STK3: variants seen among roughly 807,000 people sequenced by gnomAD.
The protein encoded by STK3 is serine/threonine kinase 3, also known as serine/threonine-protein kinase 3.
STK3 carries 41 observed loss-of-function variants against 58.0 expected under a neutral mutation model. The observed-to-expected ratio is 0.71, with a 90% CI of 0.55 to 0.92. STK3 has a LOEUF of 0.92. Ranked by LOEUF, STK3 falls within the 40% of genes least tolerant of loss-of-function variation. The probability of loss-of-function intolerance (pLI) is 0.00; values close to 1 mark genes in which losing one functional copy is unlikely to be tolerated. For missense variants in STK3, 479 were observed against 602.7 expected, an observed-to-expected ratio of 0.79 and a Z score of 2.15; for synonymous variants, 170 against 191.0, an observed-to-expected ratio of 0.89 and a Z score of 0.91.
intron 8 of STK3, among the ~76,000 whole-genome samples, chr8:98,578,613 A>G (rs893509794): frequency 6.6e-6 from 1 of 152,240 alleles, no homozygotes; most frequent in Admixed American, 6.5e-5. Context: ...TTAAAACTGA[A>G]TTTAATTTAG....
rs781775868 is a variant in STK3 at position 98,428,055 on chromosome 8, T to C, written n.483+6072A>G. The C allele has an allele frequency of 1.2e-6, 2 of 1,612,686 alleles. No individual in the cohort carries two copies. Among genetic ancestry groups the C allele is most frequent in the South Asian group, 1.1e-5 (1 of 90,972 alleles). On this transcript the variant is annotated intron_variant and non_coding_transcript_variant, in intron 3 of 3. Transcript: ENST00000517832. This position sits in a 1 kb window ranked among gnomAD's most constrained non-coding sequence, Gnocchi z 6.7. The stretch of plus-strand genomic sequence containing the variant: ...GGAGATCCGCATCAATGTGGGCGGC[T>C]TCAAGAGGAGGCTGCGCTCGCACAC...
intron 10 of STK3, among the ~76,000 whole-genome samples, chr8:98,486,214 G>GA (rs936289960): frequency 1.3e-5 from 2 of 151,662 alleles, no homozygotes; most frequent in Admixed American, 6.6e-5. Context: ...GTGTGTGGGG[G>GA]AAAAAAAACT....
chr8:98,389,202 C>T (rs1817822303), upstream of STK3, among the ~76,000 whole-genome samples: 1 of 152,144 alleles, frequency 6.6e-6, no homozygotes, highest in African/African-American at 2.4e-5. Flanking sequence ...CAGCCTGTTT[C>T]ACCTTCTCCA....
chr8:98,633,821 C>T (rs1819434265), intron 6 of STK3: 1 of 462,440 alleles, frequency 2.2e-6, no homozygotes, highest in Admixed American at 3.5e-5. Flanking sequence ...CATTCCCTAA[C>T]TTCAAATTTG....
chr8:98,861,509 G>A (rs893120704), intron 3 of STK3, among the ~76,000 whole-genome samples: 3 of 151,764 alleles, frequency 2.0e-5, no homozygotes, highest in African/African-American at 4.8e-5. Flanking sequence ...CACCATGCCC[G>A]GCTAATTTTT....
intron 1 of STK3, among the ~76,000 whole-genome samples, chr8:98,930,108 G>A (rs1427265864): frequency 1.3e-5 from 2 of 152,184 alleles, no homozygotes; most frequent in South Asian, 2.1e-4. Flanking sequence ...TCCCATCCTG[G>A]GCTCACATTT....
At chr8:98,577,105 G>A (rs1363154543) in intron 8 of STK3, among the ~76,000 whole-genome samples, 4 of 152,178 alleles carry the variant, frequency 2.6e-5, no homozygotes, top group Non-Finnish European at 4.4e-5. Context: ...TTATGCAAAA[G>A]TTGATTTGTC....
chr8:98,654,178 TATACAGAA>T (rs1821251872), intron 6 of STK3, among the ~76,000 whole-genome samples: 1 of 152,152 alleles, frequency 6.6e-6, no homozygotes, highest in Non-Finnish European at 1.5e-5. Flanking sequence ...GCTGGTTCGA[TATACAGAA>T]ATCAATAAAT....
At chr8:98,446,299 G>T (rs1818946041) in intron 1 of STK3, among the ~76,000 whole-genome samples, 1 of 152,208 alleles carries the variant, frequency 6.6e-6, no homozygotes, top group African/African-American at 2.4e-5. Context: ...ATAAGCACCA[G>T]CTCTTGGGTA....
At chr8:98,714,979 A>G (rs1424021554) in intron 4 of STK3, among the ~76,000 whole-genome samples, 2 of 152,212 alleles carry the variant, frequency 1.3e-5, no homozygotes, top group South Asian at 4.1e-4. Flanking sequence ...ATAATGCCGC[A>G]TATCTACAAC....
intron 6 of STK3, among the ~76,000 whole-genome samples, chr8:98,690,495 T>C (rs1248166410): frequency 7.3e-6 from 1 of 137,684 alleles, no homozygotes; most frequent in African/African-American, 2.7e-5. Flanking sequence ...ACCAAGGAGG[T>C]GAAGGATCTC....
At chr8:98,914,458 G>T (rs1230885033) in intron 1 of STK3, among the ~76,000 whole-genome samples, 1 of 131,310 alleles carries the variant, frequency 7.6e-6, no homozygotes, top group East Asian at 2.1e-4. Flanking sequence ...GCAAGCACAT[G>T]CCTACACACA....
rs903248267 is a variant in STK3, at chr8:98,765,110, C to T, written c.236+2133G>A. ...TTGAGACCCTGACTTTCCTAGACAA[C>T]ACTCAAAGTACAATGCTAATCCTTG... is the stretch of plus-strand genomic sequence containing the variant. On this transcript the variant is annotated intron_variant, in intron 3 of 10. Coordinates refer to ENST00000419617, the MANE Select transcript of STK3 (RefSeq NM_006281.4). 7.2e-5 allele frequency among the ~76,000 whole-genome samples: 11 copies of T among 152,304 alleles called. No individual in the cohort carries two copies. The South Asian group carries it at 2.3e-3, about 32-fold the overall frequency.
intron 9 of STK3, among the ~76,000 whole-genome samples, chr8:98,537,663 C>G (rs1809883855): frequency 6.6e-6 from 1 of 152,122 alleles, no homozygotes; most frequent in Non-Finnish European, 1.5e-5. Flanking sequence ...ATTCTGACCC[C>G]AGCTTACAAA....
intron 6 of STK3, among the ~76,000 whole-genome samples, chr8:98,657,789 T>A (rs1025139005): frequency 6.6e-6 from 1 of 151,948 alleles, no homozygotes; most frequent in Non-Finnish European, 1.5e-5. Context: ...TAGAATTATA[T>A]AAAGTGAAGA....
intron 6 of STK3, among the ~76,000 whole-genome samples, chr8:98,612,916 C>T (rs960642915): frequency 6.6e-6 from 1 of 152,160 alleles, no homozygotes; most frequent in Non-Finnish European, 1.5e-5. Context: ...GACAGCCCCC[C>T]CTAGCAGTGT....
intron 4 of STK3, among the ~76,000 whole-genome samples, chr8:98,727,638 T>G (rs1457366453): frequency 1.3e-5 from 2 of 152,214 alleles, no homozygotes; most frequent in African/African-American, 2.4e-5. Context: ...CAGCTTTAGA[T>G]GTCTGATCTA....
At chr8:98,617,196 C>T (rs1042875714) in intron 6 of STK3, among the ~76,000 whole-genome samples, 1 of 151,388 alleles carries the variant, frequency 6.6e-6, no homozygotes. Flanking sequence ...ACTGAACAAC[C>T]TGCTCCTGAA....
chr8:98,928,697 G>T (rs1449047685), intron 1 of STK3, among the ~76,000 whole-genome samples: 1 of 152,090 alleles, frequency 6.6e-6, no homozygotes, highest in Non-Finnish European at 1.5e-5. Flanking sequence ...TCTCTTCTTG[G>T]CTTTCCAAAG....
Sources: gnomAD v4.1 joint callset for allele counts (sites outside exome capture counted in the v4.1 genomes callset) on GRCh38, gnomAD v4.1.1 for gene constraint, Gnocchi (gnomAD v3.1) non-coding constraint, MANE v1.5 for transcripts, NCBI Gene and HGNC (gene_info 2026-07-23, HGNC 2026-07-21) for gene names.